Variants in ESPN observed in about 807,000 individuals in gnomAD.
The protein encoded by ESPN is espin.
Under a neutral mutation model 77.7 loss-of-function variants are expected in ESPN, and 68 were observed. That is an observed-to-expected ratio of 0.87 (90% CI 0.72 to 1.07). The LOEUF (loss-of-function observed/expected upper bound fraction) is 1.07, where lower values mean the gene tolerates loss of function less well. Ranked by LOEUF, ESPN falls within the 50% of genes least tolerant of loss-of-function variation. The pLI, the probability that ESPN is intolerant of heterozygous loss-of-function variation, is 0.00. For synonymous variants in ESPN, 449 were observed against 567.1 expected (o/e 0.79, Z 2.96); for missense variants, 1,060 against 1,239.0 (o/e 0.86, Z 2.17).
chr1:6,428,382 T>A lies in ESPN; in HGVS notation c.451T>A (p.Phe151Ile), dbSNP rs139223525. ...PIHYAAAKGD[F>I]PSLRLLVEHY... ...CCACTACGCTGCCGCCAAAGGAGAC[T>A]TCCCCTCCCTGAGGCTTCTCGTCGA... Residue 151 changes from phenylalanine to isoleucine, a missense_variant, in exon 2 of 13, where the codon TTC becomes ATC. Phe to Ile is a conservative substitution (Grantham distance 21). Around this residue, in one of 3 missense-constraint regions of ESPN, gnomAD observed 556 missense variants for 633.6 expected, o/e 0.88. Transcript: ENST00000645284. This position sits in a 1 kb window ranked among gnomAD's most constrained non-coding sequence, Gnocchi z 5.4. The A allele has an allele frequency of 6.6e-5, 106 of 1,612,660 alleles. No individual in the cohort carries two copies. Among genetic ancestry groups the A allele is most frequent in the Non-Finnish European group, 8.5e-5 (100 of 1,179,558 alleles).
intron 2 of ESPN, among the ~76,000 whole-genome samples, chr1:6,436,149 G>A (rs1275657037): frequency 6.6e-6 from 1 of 151,946 alleles, no homozygotes; most frequent in Non-Finnish European, 1.5e-5. Flanking sequence ...GGGAGGCAGA[G>A]GGACAGACCA....
intron 4 of ESPN, 23 bp from the exon 5 acceptor site, chr1:6,440,911 G>T (rs1643613932): frequency 6.4e-7 from 1 of 1,553,116 alleles, no homozygotes; most frequent in Admixed American, 1.9e-5. Flanking sequence ...CCGCGGCCGG[G>T]TCCTCACTGC....
chr1:6,432,595 C>G (rs939925177), intron 2 of ESPN, among the ~76,000 whole-genome samples: 9 of 152,218 alleles, frequency 5.9e-5, no homozygotes, highest in African/African-American at 2.2e-4. Context: ...AGGGGGAGAG[C>G]TGAGCCTTGG....
chr1:6,454,961 T>A (rs1644023405), intron 10 of ESPN: 1 of 381,840 alleles, frequency 2.6e-6, no homozygotes, highest in Non-Finnish European at 4.6e-6. Flanking sequence ...CCGTGCAGCA[T>A]CTCCGCGCCA....
rs766639081 is a variant in ESPN at position 6,445,683 on chromosome 1, T to G, written c.1212T>G (p.Ala404=). The stretch of plus-strand genomic sequence containing the variant: ...CCCCAGGGCTTTCCAGCGCTAGAGC[T>G]GCAGACATACAGAGCTACATGGACA... ...HPPCGLSSAR[A]ADIQSYMDML... is the part of the protein sequence containing the mutation. Residue 404 remains alanine, a synonymous_variant, in exon 7 of 13, where the codon GCT becomes GCG. Transcript: ENST00000645284. The G allele has an allele frequency of 3.1e-6, 5 of 1,612,658 alleles. No homozygotes were observed. The Admixed American group carries it at 8.3e-5, about 27-fold the overall frequency.
intron 10 of ESPN, 33 bp from the exon 11 acceptor site, chr1:6,457,151 T>G (rs1330135552): frequency 6.4e-7 from 1 of 1,566,550 alleles, no homozygotes; most frequent in Non-Finnish European, 8.7e-7. Flanking sequence ...TCCCAGCCCC[T>G]GCAGGCCCTG....
rs1644141712 is a variant in ESPN at position 6,460,555 on chromosome 1, C to T, written c.*409C>T. 5.5e-6 allele frequency: 1 copy of T among 180,192 alleles called. No individual in the cohort carries two copies. Among genetic ancestry groups the T allele is most frequent in the South Asian group, 1.3e-4 (1 of 7,940 alleles). The allele number at this position is 180,192 out of a possible 1,614,324, so 11.2% of individuals were successfully genotyped here. ...CCCGGAACCGGCGTCGCTGGCGCAT[C>T]CTGGGTGGAGGCAGGCCCCGAGCTC... On this transcript the variant is annotated 3_prime_UTR_variant, in exon 13 of 13. Coordinates refer to ENST00000645284, the MANE Select transcript of ESPN (RefSeq NM_031475.3).
chr1:6,426,750 G>A (rs911906037), intron 1 of ESPN, among the ~76,000 whole-genome samples: 3 of 152,104 alleles, frequency 2.0e-5, no homozygotes, highest in Non-Finnish European at 2.9e-5. Context: ...TGGGGCTTAG[G>A]TCACATTTCA....
At position 6,427,285 on chromosome 1, in the gene ESPN, C is replaced by T. The variant is rs981036132; in HGVS notation, c.295-941C>T. On this transcript the variant is annotated intron_variant, in intron 1 of 12. Transcript: ENST00000645284. This position sits in a 1 kb window ranked among gnomAD's most constrained non-coding sequence, Gnocchi z 4.6. ...TTGGTGCTGGGAGGTGGTTCTGTTC[C>T]CGAACCAGTACCCACTCTGCCAAGT... Among the ~76,000 whole-genome samples the T allele has an allele frequency of 9.2e-5, 14 of 152,170 alleles. No homozygotes were observed. Among genetic ancestry groups the T allele is most frequent in the African/African-American group, 3.4e-4 (14 of 41,436 alleles).
intron 7 of ESPN, chr1:6,448,402 C>A: frequency 2.0e-6 from 1 of 497,470 alleles, no homozygotes; most frequent in South Asian, 2.6e-5. Flanking sequence ...CCCCTGTGCC[C>A]CTTGGCCGGT....
rs1643572760 is a variant in ESPN at position 6,440,287 on chromosome 1, G to A, written c.522G>A (p.Thr174=). 6.4e-7 allele frequency: 1 copy of A among 1,552,256 alleles called. No homozygotes were observed. Among genetic ancestry groups the A allele is most frequent in the Non-Finnish European group, 8.7e-7 (1 of 1,148,076 alleles). The change falls in exon 3 of 13, where the codon ACG becomes ACA. Residue 174 remains threonine (T), a synonymous_variant. Coordinates refer to ENST00000645284, the MANE Select transcript of ESPN (RefSeq NM_031475.3). ...GVNAQTKNGA[T]PLYLACQEGH... The stretch of plus-strand genomic sequence containing the variant: ...ATGCCCAAACCAAGAACGGTGCCAC[G>A]CCCCTGTACCTGGCGTGCCAGGAGG...
intron 10 of ESPN, chr1:6,454,451 G>T: frequency 2.5e-6 from 1 of 398,962 alleles, no homozygotes. Context: ...CCGCCAGCTC[G>T]TGCTGCTACC....
chr1:6,441,649 G>T (rs1187598663), intron 5 of ESPN, among the ~76,000 whole-genome samples: 1 of 152,262 alleles, frequency 6.6e-6, no homozygotes, highest in African/African-American at 2.4e-5. Context: ...GAACTCAGCT[G>T]TGGATGTCTC....
intron 12 of ESPN, 113 bp from the exon 13 acceptor site, chr1:6,459,886 A>T: frequency 7.4e-7 from 1 of 1,349,752 alleles, no homozygotes. Context: ...TCAGTAACCC[A>T]CCCCTTGCAT....
At chr1:6,434,150 G>A (rs1393733055) in intron 2 of ESPN, among the ~76,000 whole-genome samples, 1 of 152,262 alleles carries the variant, frequency 6.6e-6, no homozygotes, top group Admixed American at 6.5e-5. Flanking sequence ...TGATCCGCCC[G>A]CCTCGGCCTC....
In ESPN at chr1:6,437,976, G is replaced by A. The variant is rs1344183074; in HGVS notation, c.489-2278G>A. 6.6e-6 allele frequency among the ~76,000 whole-genome samples: 1 copy of A among 151,964 alleles called. No individual in the cohort carries two copies. The highest frequency in any genetic ancestry group is 1.5e-5 in the Non-Finnish European group (1 of 67,990). Reference sequence around the variant, plus strand: ...GGGGGTAGCCTGGTGCCCATTGATGGGCAGGCAACAAGCGGATGGGCAGTT... The same window carrying A: ...GGGGGTAGCCTGGTGCCCATTGATGAGCAGGCAACAAGCGGATGGGCAGTT... On this transcript the variant is annotated intron_variant, in intron 2 of 12. Transcript: ENST00000645284. This position sits in a 1 kb window ranked among gnomAD's most constrained non-coding sequence, Gnocchi z 4.5.
In ESPN at chr1:6,450,385, C is replaced by T. The variant is rs1312100032; in HGVS notation, c.1916-1218C>T. On this transcript the variant is annotated intron_variant, in intron 8 of 12. Coordinates refer to ENST00000645284, the MANE Select transcript of ESPN (RefSeq NM_031475.3). This position sits in a 1 kb window ranked among gnomAD's most constrained non-coding sequence, Gnocchi z 4.3. Reference sequence around the variant, plus strand: ...GCTCCCTGTCCCCTGCTGTCCCAGTCTCATCCTGCCCCCCCTCCCTCCTAA... The same window carrying T: ...GCTCCCTGTCCCCTGCTGTCCCAGTTTCATCCTGCCCCCCCTCCCTCCTAA... The T allele has an allele frequency of 1.3e-6, 1 of 761,068 alleles. No homozygotes were observed. The highest frequency in any genetic ancestry group is 1.6e-6 in the Non-Finnish European group (1 of 624,834). The allele number at this position is 761,068 out of a possible 1,614,324, so 47.1% of individuals were successfully genotyped here.
Position 6,460,497 on chromosome 1 carries a change from G to GC in ESPN, c.*356dup, listed in dbSNP as rs949565991. 1.9e-5 allele frequency: 4 copies of GC among 206,730 alleles called. No individual in the cohort carries two copies. The highest frequency in any genetic ancestry group is 2.0e-5 in the Non-Finnish European group (2 of 101,526). The allele number at this position is 206,730 out of a possible 1,614,324, so 12.8% of individuals were successfully genotyped here. A position where few individuals can be genotyped will look rare whatever the true frequency, so the allele number is the denominator to read the frequency against. ...TGACTTTGTTTTCCTGCGGGGCTCAGCCCCCTCCAGGATGCAGCCCCCTCC... is the reference window on the plus strand; with the variant it reads ...TGACTTTGTTTTCCTGCGGGGCTCAGCCCCCCTCCAGGATGCAGCCCCCTCC... On this transcript the variant is annotated 3_prime_UTR_variant, in exon 13 of 13. Transcript: ENST00000645284.
chr1:6,458,702 G>A (rs535971118), intron 12 of ESPN, among the ~76,000 whole-genome samples: 32 of 146,992 alleles, frequency 2.2e-4, no homozygotes, highest in East Asian at 4.1e-4. Context: ...AGGCTGAAGC[G>A]GGTGGATCAC....
Sources: gnomAD v4.1 joint callset for allele counts (sites outside exome capture counted in the v4.1 genomes callset) on GRCh38, gnomAD v4.1.1 for gene constraint, gnomAD v4.1.1 regional missense constraint, Gnocchi (gnomAD v3.1) non-coding constraint, MANE v1.5 for transcripts, NCBI Gene and HGNC (gene_info 2026-07-23, HGNC 2026-07-21) for gene names.